Variants in CDH13 observed in about 807,000 individuals in gnomAD.
CDH13 encodes the protein cadherin 13, also known as cadherin-13.
In CDH13, 24 loss-of-function variants were observed where a neutral mutation model predicts 63.8. The observed-to-expected ratio is 0.38, with a 90% CI of 0.27 to 0.53. The LOEUF (loss-of-function observed/expected upper bound fraction) is 0.53. Among genes scored for constraint, CDH13 ranks in the 20% least tolerant of loss-of-function variants. The probability of loss-of-function intolerance (pLI) is 0.85; values close to 1 mark genes in which losing one functional copy is unlikely to be tolerated. For synonymous variants in CDH13, 503 were observed against 355.3 expected, an observed-to-expected ratio of 1.42 and a Z score of -4.67; for missense variants, 1,049 against 903.1, an observed-to-expected ratio of 1.16 and a Z score of -2.07.
chr16:83,375,550 T>G (rs2091445358), intron 6 of CDH13, among the ~76,000 whole-genome samples: 2 of 152,160 alleles, frequency 1.3e-5, no homozygotes, highest in Admixed American at 6.5e-5. Context: ...GAGCTGAGGG[T>G]GGCATGGTAA....
intron 2 of CDH13, among the ~76,000 whole-genome samples, chr16:83,026,397 TCTC>T (rs2151463611): frequency 1.3e-5 from 2 of 152,314 alleles, no homozygotes; most frequent in East Asian, 3.9e-4. Context: ...CTCAGTCTCT[TCTC>T]CTGTAAAATA....
chr16:83,429,859 C>G (rs184777241), intron 6 of CDH13, among the ~76,000 whole-genome samples: 2 of 152,318 alleles, frequency 1.3e-5, no homozygotes, highest in Admixed American at 1.3e-4. Context: ...CACAAGCTAT[C>G]TGGAGCTTAT....
chr16:83,552,604 C>T (rs2075526479), intron 7 of CDH13, among the ~76,000 whole-genome samples: 2 of 152,208 alleles, frequency 1.3e-5, no homozygotes, highest in Non-Finnish European at 2.9e-5. Flanking sequence ...TCACATTACT[C>T]TAAGAAGCTG....
In CDH13 at chr16:82,901,814, T is replaced by C. The variant is rs2041480290; in HGVS notation, c.157+43341T>C. On this transcript the variant is annotated intron_variant, in intron 2 of 13. Transcript: ENST00000567109. ...ACAAAAGACAAAGGTCTTGCCCTCA[T>C]GGAGCCTGAAGTCCAGTGAGGGTTT... 2.6e-5 allele frequency among the ~76,000 whole-genome samples: 4 copies of C among 152,342 alleles called. No homozygotes were observed. The South Asian group carries it at 8.3e-4, about 32-fold the overall frequency.
At position 83,345,010 on chromosome 16, in the gene CDH13, T is replaced by A. The variant is rs189965190; in HGVS notation, c.781+4T>A. 652 of 1,613,612 alleles carry A rather than the reference T, an allele frequency of 4.0e-4. 2 individuals are homozygous for A. The highest frequency in any genetic ancestry group is 1.8e-3 in the Middle Eastern group (11 of 6,050). ...GTCATGGAAGGGTCACCCACAGGTA[T>A]GTCACATTGGCTTACCTTTAGCGTA... On this transcript the variant is annotated splice_donor_region_variant and intron_variant, in intron 6 of 13. Transcript: ENST00000567109.
At chr16:82,640,538 G>A (rs1377093910) in intron 1 of CDH13, among the ~76,000 whole-genome samples, 7 of 152,108 alleles carry the variant, frequency 4.6e-5, no homozygotes, top group Non-Finnish European at 5.9e-5. Context: ...TAAATGAATG[G>A]GCAGGGTAAT....
At chr16:83,133,240 C>G (rs2036136793) in intron 4 of CDH13, among the ~76,000 whole-genome samples, 1 of 152,166 alleles carries the variant, frequency 6.6e-6, no homozygotes, top group African/African-American at 2.4e-5. Flanking sequence ...ACTGAAAACG[C>G]AATGTCCACA....
At chr16:82,962,442 T>A (rs1241911335) in intron 2 of CDH13, among the ~76,000 whole-genome samples, 1 of 152,180 alleles carries the variant, frequency 6.6e-6, no homozygotes, top group East Asian at 1.9e-4. Context: ...CCACAAGGTT[T>A]GTAGTAATTT....
At chr16:83,748,065 C>A in intron 10 of CDH13, 43 bp from the exon 11 acceptor site, 6 of 1,610,278 alleles carry the variant, frequency 3.7e-6, no homozygotes, top group South Asian at 2.2e-5. Context: ...TTTCTTGAAT[C>A]TACTTTGAAT....
chr16:82,908,440 T>C (rs2041719567), intron 2 of CDH13, among the ~76,000 whole-genome samples: 1 of 152,154 alleles, frequency 6.6e-6, no homozygotes, highest in South Asian at 2.1e-4. Context: ...CTTTGTACAA[T>C]GGACATGGCA....
chr16:83,185,490 G>A (rs534103173), intron 4 of CDH13, among the ~76,000 whole-genome samples: 1 of 152,276 alleles, frequency 6.6e-6, no homozygotes, highest in South Asian at 2.1e-4. Context: ...TGTCACATTT[G>A]ATGCTAAACG....
intron 1 of CDH13, among the ~76,000 whole-genome samples, chr16:82,820,988 A>T (rs1481354885): frequency 6.6e-6 from 1 of 152,034 alleles, no homozygotes; most frequent in Non-Finnish European, 1.5e-5. Flanking sequence ...GACTTTTAAC[A>T]ATGATCTCCT....
intron 7 of CDH13, among the ~76,000 whole-genome samples, chr16:83,512,721 G>A (rs767163436): frequency 6.6e-6 from 1 of 151,558 alleles, no homozygotes; most frequent in African/African-American, 2.4e-5. Context: ...AAGTACATGG[G>A]GAAGGAATAT....
intron 7 of CDH13, among the ~76,000 whole-genome samples, chr16:83,530,682 A>C (rs1042718672): frequency 2.6e-5 from 4 of 152,184 alleles, no homozygotes; most frequent in African/African-American, 9.6e-5. Flanking sequence ...AATTCATCTC[A>C]TTAACTTCCT....
intron 1 of CDH13, among the ~76,000 whole-genome samples, chr16:82,793,014 G>C (rs979951933): frequency 6.6e-6 from 1 of 152,242 alleles, no homozygotes; most frequent in South Asian, 2.1e-4. Flanking sequence ...GGAAGCAGAA[G>C]CAGACTTGAC....
chr16:83,692,045 A>G (rs2150892981), intron 10 of CDH13, among the ~76,000 whole-genome samples: 1 of 152,270 alleles, frequency 6.6e-6, no homozygotes, highest in South Asian at 2.1e-4. Flanking sequence ...CACACTCAGG[A>G]AATGTGACTC....
chr16:82,811,331 TAG>T (rs1463098022), intron 1 of CDH13, among the ~76,000 whole-genome samples: 2 of 152,218 alleles, frequency 1.3e-5, no homozygotes, highest in African/African-American at 4.8e-5. Context: ...TTGACCATCA[TAG>T]CACTGTGTAT....
intron 3 of CDH13, among the ~76,000 whole-genome samples, chr16:83,061,046 T>A (rs2031500550): frequency 6.6e-6 from 1 of 152,128 alleles, no homozygotes; most frequent in Non-Finnish European, 1.5e-5. Flanking sequence ...ACAAAGAATA[T>A]AGGAATAAAT....
chr16:83,471,934 C>G (rs1032302948), intron 6 of CDH13, among the ~76,000 whole-genome samples: 1 of 152,158 alleles, frequency 6.6e-6, no homozygotes, highest in Non-Finnish European at 1.5e-5. Context: ...ATTTAGACAA[C>G]CTAAGGTTAC....
Sources: allele counts gnomAD v4.1 joint callset (sites outside exome capture counted in the v4.1 genomes callset), GRCh38; gene constraint gnomAD v4.1.1; transcripts MANE v1.5; gene names NCBI Gene and HGNC (gene_info 2026-07-23, HGNC 2026-07-21).